Variants in AFG2A observed in about 807,000 individuals in gnomAD.
The protein encoded by AFG2A is ATPase family gene 2 protein homolog A.
chr4:123,074,180 A>G, the AFG2A span, among the ~76,000 whole-genome samples: 2 of 136,542 alleles, frequency 1.5e-5, no homozygotes, highest in African/African-American at 5.5e-5. Context: ...TGCAGCCTCC[A>G]CCTCCCAGGT....
chr4:123,278,311 C>T, the AFG2A span, among the ~76,000 whole-genome samples: 2 of 151,914 alleles, frequency 1.3e-5, no homozygotes, highest in Non-Finnish European at 2.9e-5. Flanking sequence ...GGTAATGTCC[C>T]CTTTGTCATT....
At chr4:123,314,052 G>A in the AFG2A span, 1 of 1,570,092 alleles carries the variant, frequency 6.4e-7, no homozygotes. Context: ...AGAGTGGGCT[G>A]CATACACTCT....
chr4:123,226,366 A>T, the AFG2A span, among the ~76,000 whole-genome samples: 3 of 152,150 alleles, frequency 2.0e-5, no homozygotes, highest in African/African-American at 7.2e-5. Flanking sequence ...GATAGCTCTT[A>T]CTATTTTGAG....
the AFG2A span, among the ~76,000 whole-genome samples, chr4:123,243,952 G>C: frequency 1.3e-5 from 2 of 152,202 alleles, no homozygotes; most frequent in African/African-American, 4.8e-5. Context: ...GACCCTGGAG[G>C]TCAAGTCTGT....
chr4:123,194,857 A>G, the AFG2A span, among the ~76,000 whole-genome samples: 1 of 152,188 alleles, frequency 6.6e-6, no homozygotes, highest in East Asian at 1.9e-4. Flanking sequence ...ATAATGATTT[A>G]TTATCAGAAC....
At chr4:123,141,526 G>T in the AFG2A span, among the ~76,000 whole-genome samples, 806 of 152,300 alleles carry the variant, frequency 5.3e-3, 2 homozygotes, top group African/African-American at 0.018. Flanking sequence ...TGTGTTGCCA[G>T]ATTTGTTTTG....
chr4:123,036,388 G>C, the AFG2A span, among the ~76,000 whole-genome samples: 1 of 152,252 alleles, frequency 6.6e-6, no homozygotes, highest in Non-Finnish European at 1.5e-5. Context: ...GGAGGTGAGA[G>C]AGAAAATACC....
chr4:123,187,371 T>C, the AFG2A span, among the ~76,000 whole-genome samples: 2 of 152,316 alleles, frequency 1.3e-5, no homozygotes, highest in South Asian at 4.1e-4. Flanking sequence ...AAACCACTTA[T>C]AAAGAAGAAA....
the AFG2A span, among the ~76,000 whole-genome samples, chr4:122,924,128 A>G: frequency 6.6e-6 from 1 of 152,278 alleles, no homozygotes; most frequent in South Asian, 2.1e-4. Context: ...TGGTATTTTC[A>G]CTCTGCCTTA....
the AFG2A span, among the ~76,000 whole-genome samples, chr4:123,112,735 T>A: frequency 1.3e-5 from 2 of 152,166 alleles, no homozygotes; most frequent in African/African-American, 4.8e-5. Context: ...CCATAAAAGC[T>A]TCTTCCAAAA....
chr4:123,292,191 C>G, the AFG2A span, among the ~76,000 whole-genome samples: 1 of 152,046 alleles, frequency 6.6e-6, no homozygotes, highest in Admixed American at 6.5e-5. Context: ...TTGTAATTCC[C>G]AAAATATGTC....
the AFG2A span, among the ~76,000 whole-genome samples, chr4:123,152,594 G>A: frequency 2.0e-5 from 3 of 152,158 alleles, no homozygotes; most frequent in Non-Finnish European, 4.4e-5. Flanking sequence ...TCAAATTCCA[G>A]AACACTGACA....
the AFG2A span, among the ~76,000 whole-genome samples, chr4:122,959,021 G>A: frequency 2.0e-3 from 311 of 152,192 alleles, 3 homozygotes; most frequent in Non-Finnish European, 3.8e-3. Flanking sequence ...CAGTTCTGGG[G>A]TCTATCCTGC....
the AFG2A span, among the ~76,000 whole-genome samples, chr4:123,005,407 A>C: frequency 6.6e-5 from 10 of 152,244 alleles, no homozygotes; most frequent in South Asian, 1.5e-3. Flanking sequence ...TGCCCACCTC[A>C]GCCTTTCAAA....
the AFG2A span, among the ~76,000 whole-genome samples, chr4:123,292,475 T>G: frequency 6.6e-6 from 1 of 152,214 alleles, no homozygotes; most frequent in Non-Finnish European, 1.5e-5. Flanking sequence ...TTCTGGTTCC[T>G]TATCATTTGG....
chr4:123,258,128 G>A, the AFG2A span, among the ~76,000 whole-genome samples: 1 of 152,012 alleles, frequency 6.6e-6, no homozygotes, highest in Non-Finnish European at 1.5e-5. Context: ...GCATCCCATT[G>A]TGGTCCTATT....
the AFG2A span, among the ~76,000 whole-genome samples, chr4:123,159,728 G>T: frequency 6.6e-6 from 1 of 152,120 alleles, no homozygotes; most frequent in Non-Finnish European, 1.5e-5. Context: ...AGTGAGGACA[G>T]TGCCCAGACC....
the AFG2A span, among the ~76,000 whole-genome samples, chr4:123,243,747 T>G: frequency 6.6e-6 from 1 of 151,774 alleles, no homozygotes; most frequent in Non-Finnish European, 1.5e-5. Flanking sequence ...AAAAAAAAAT[T>G]CAGTTACAAC....
the AFG2A span, among the ~76,000 whole-genome samples, chr4:123,114,007 G>A: frequency 6.6e-5 from 10 of 151,570 alleles, no homozygotes; most frequent in African/African-American, 1.7e-4. Context: ...TCTGCTGCTG[G>A]TCATCCTGTT....
Sources: gnomAD v4.1 joint callset for allele counts (sites outside exome capture counted in the v4.1 genomes callset) on GRCh38, gnomAD v4.1.1 for gene constraint, MANE v1.5 for transcripts, NCBI Gene and HGNC (gene_info 2026-07-23, HGNC 2026-07-21) for gene names.